Variants in RANBP2 observed in about 807,000 individuals in gnomAD.
RANBP2 encodes RAN binding protein 2.
RANBP2 carries 57 observed loss-of-function variants against 303.6 expected under a neutral mutation model. The ratio of observed to expected loss-of-function variants is 0.19; its 90% CI spans 0.15 to 0.23. RANBP2 has a LOEUF of 0.23. RANBP2 is among the 10% of genes least tolerant of loss of function. The probability of loss-of-function intolerance (pLI) is 1.00; values close to 1 mark genes in which losing one functional copy is unlikely to be tolerated. For synonymous variants in RANBP2, 1,167 were observed against 1,301.5 expected (o/e 0.90, Z 2.23); for missense variants, 3,138 against 3,780.8 (o/e 0.83, Z 4.46).
chr2:109,454,078 A>G, the RANBP2 span, among the ~76,000 whole-genome samples: 2 of 152,240 alleles, frequency 1.3e-5, no homozygotes, highest in Non-Finnish European at 2.9e-5. Context: ...TAATCATATC[A>G]TATAAAAGTC....
the RANBP2 span, among the ~76,000 whole-genome samples, chr2:109,152,758 G>C: frequency 6.6e-6 from 1 of 152,170 alleles, no homozygotes; most frequent in Non-Finnish European, 1.5e-5. Context: ...GGGCGGGGGG[G>C]ACCCAGTGTC....
chr2:109,266,351 C>T, the RANBP2 span, among the ~76,000 whole-genome samples: 1 of 151,538 alleles, frequency 6.6e-6, no homozygotes, highest in East Asian at 1.9e-4. Flanking sequence ...TGTATGTATA[C>T]ACAGGATCCA....
chr2:109,145,107 T>C, the RANBP2 span, among the ~76,000 whole-genome samples: 2 of 152,276 alleles, frequency 1.3e-5, no homozygotes, highest in African/African-American at 4.8e-5. Flanking sequence ...CTCTGAGTCT[T>C]CCCTCACCGG....
At chr2:109,431,716 A>T in the RANBP2 span, among the ~76,000 whole-genome samples, 1 of 152,180 alleles carries the variant, frequency 6.6e-6, no homozygotes, top group Non-Finnish European at 1.5e-5. Context: ...TACAAAAAAT[A>T]AAAAACTTAG....
chr2:109,658,503 A>G, the RANBP2 span, among the ~76,000 whole-genome samples: 4 of 152,192 alleles, frequency 2.6e-5, no homozygotes, highest in African/African-American at 4.8e-5. Flanking sequence ...ATTTAAACAG[A>G]CACCACGATA....
the RANBP2 span, among the ~76,000 whole-genome samples, chr2:109,294,222 G>C: frequency 6.6e-6 from 1 of 152,112 alleles, no homozygotes; most frequent in African/African-American, 2.4e-5. Context: ...GGGGGATTTT[G>C]CTGGAGACAT....
the RANBP2 span, among the ~76,000 whole-genome samples, chr2:109,164,360 T>A: frequency 6.0e-3 from 912 of 152,238 alleles, 22 homozygotes; most frequent in Non-Finnish European, 3.6e-3. Context: ...TTTTTAAAAA[T>A]TTTGTTAGAG....
At chr2:108,872,007 G>A in the RANBP2 span, among the ~76,000 whole-genome samples, 1 of 151,968 alleles carries the variant, frequency 6.6e-6, no homozygotes. Flanking sequence ...TCTCTCACAC[G>A]TACTTTGCCC....
At chr2:109,118,326 A>G in the RANBP2 span, among the ~76,000 whole-genome samples, 1 of 152,048 alleles carries the variant, frequency 6.6e-6, no homozygotes, top group Admixed American at 6.5e-5. Context: ...GTGTAAGAAC[A>G]GGCACGACAA....
chr2:109,121,621 G>A, the RANBP2 span, among the ~76,000 whole-genome samples: 1 of 152,168 alleles, frequency 6.6e-6, no homozygotes, highest in South Asian at 2.1e-4. Context: ...TGACTGATGA[G>A]ACCCCCTGCT....
chr2:109,191,978 G>A, the RANBP2 span, among the ~76,000 whole-genome samples: 2 of 152,194 alleles, frequency 1.3e-5, no homozygotes, highest in East Asian at 3.9e-4. Flanking sequence ...TCACACTCCA[G>A]CCCCTACAAA....
chr2:109,319,588 G>T, the RANBP2 span, among the ~76,000 whole-genome samples: 2 of 152,224 alleles, frequency 1.3e-5, no homozygotes, highest in Admixed American at 6.5e-5. Context: ...GCTCGTTCCA[G>T]AACAGAAAGC....
At chr2:109,011,595 C>T in the RANBP2 span, among the ~76,000 whole-genome samples, 1 of 152,172 alleles carries the variant, frequency 6.6e-6, no homozygotes, top group African/African-American at 2.4e-5. Flanking sequence ...AGATACCCAC[C>T]TTCATTTGCT....
chr2:109,154,257 A>G, the RANBP2 span, among the ~76,000 whole-genome samples: 10 of 152,230 alleles, frequency 6.6e-5, no homozygotes, highest in South Asian at 1.2e-3. Context: ...GGGTGACCAC[A>G]TTGGATGGAA....
At chr2:109,177,619 A>AGGTGAG in the RANBP2 span, among the ~76,000 whole-genome samples, 4 of 152,146 alleles carry the variant, frequency 2.6e-5, no homozygotes, top group South Asian at 6.2e-4. Context: ...CAGGGTGTTG[A>AGGTGAG]GGTGAGGGTG....
the RANBP2 span, among the ~76,000 whole-genome samples, chr2:109,237,272 A>G: frequency 6.6e-6 from 1 of 152,254 alleles, no homozygotes; most frequent in African/African-American, 2.4e-5. Flanking sequence ...ACAATAATTA[A>G]TGTTGGAAGA....
rs2149044749 is a variant in RANBP2, at chr2:108,719,500, C to G, written c.-107C>G. The G allele has an allele frequency of 2.0e-6, 3 of 1,521,718 alleles. No homozygotes were observed. The highest frequency in any genetic ancestry group is 4.7e-4 in the Middle Eastern group (2 of 4,298). The allele number at this position is 1,521,718 out of a possible 1,614,324, so 94.3% of individuals were successfully genotyped here. ...GTTCGTCACAGTGGTCCTCCGCCGG[C>G]TACGGCGCTGCGTCACTGGTTTGCA... On this transcript the variant is annotated 5_prime_UTR_variant, in exon 1 of 29. Transcript: ENST00000283195.
the RANBP2 span, among the ~76,000 whole-genome samples, chr2:108,793,931 C>T: frequency 2.6e-5 from 4 of 152,004 alleles, no homozygotes; most frequent in Admixed American, 2.0e-4. Context: ...ACTTGTACAC[C>T]AGAAGCCACG....
At chr2:109,441,756 A>G in the RANBP2 span, among the ~76,000 whole-genome samples, 1 of 152,166 alleles carries the variant, frequency 6.6e-6, no homozygotes, top group Non-Finnish European at 1.5e-5. Context: ...ATCACAATCA[A>G]ACTGTTCAAA....
Sources: gnomAD v4.1 joint callset for allele counts (sites outside exome capture counted in the v4.1 genomes callset) on GRCh38, gnomAD v4.1.1 for gene constraint, MANE v1.5 for transcripts, NCBI Gene and HGNC (gene_info 2026-07-23, HGNC 2026-07-21) for gene names.